Variants in EPHA6 observed in about 807,000 individuals in gnomAD.
EPHA6 encodes EPH receptor A6.
Under a neutral mutation model 112.0 loss-of-function variants are expected in EPHA6, and 50 were observed. The ratio of observed to expected loss-of-function variants is 0.45; its 90% CI spans 0.36 to 0.56. The LOEUF is 0.56. Ranked by LOEUF, EPHA6 falls within the 20% of genes least tolerant of loss-of-function variation. EPHA6 has a pLI of 0.00. For synonymous variants in EPHA6, 529 were observed against 490.7 expected (o/e 1.08, Z -1.03); for missense variants, 1,280 against 1,417.4 (o/e 0.90, Z 1.56).
At chr3:97,110,248 A>C (rs1260159310) in intron 3 of EPHA6, among the ~76,000 whole-genome samples, 1 of 152,078 alleles carries the variant, frequency 6.6e-6, no homozygotes, top group South Asian at 2.1e-4. Context: ...AAACATGGTA[A>C]TGATAGGGCC....
intron 3 of EPHA6, among the ~76,000 whole-genome samples, chr3:97,079,713 A>G (rs1330114214): frequency 6.6e-6 from 1 of 152,018 alleles, no homozygotes; most frequent in Non-Finnish European, 1.5e-5. Flanking sequence ...AATACTACAA[A>G]GAAATTTTTC....
intron 14 of EPHA6, among the ~76,000 whole-genome samples, chr3:97,670,323 A>G (rs2030677033): frequency 6.6e-6 from 1 of 152,236 alleles, no homozygotes; most frequent in Non-Finnish European, 1.5e-5. Flanking sequence ...TCCGTAGTCA[A>G]AATTGGGAAG....
chr3:97,373,963 G>T (rs1414998638), intron 5 of EPHA6, among the ~76,000 whole-genome samples: 2 of 152,002 alleles, frequency 1.3e-5, no homozygotes, highest in Non-Finnish European at 2.9e-5. Context: ...TTTTGCTTTT[G>T]ATCTATGACT....
At chr3:97,392,779 G>C (rs1482660233) in intron 5 of EPHA6, among the ~76,000 whole-genome samples, 1 of 151,170 alleles carries the variant, frequency 6.6e-6, no homozygotes, top group Admixed American at 6.6e-5. Flanking sequence ...TTAATGACTT[G>C]TCATATTATT....
At chr3:97,182,308 TC>T (rs2077010843) in intron 3 of EPHA6, among the ~76,000 whole-genome samples, 1 of 149,416 alleles carries the variant, frequency 6.7e-6, no homozygotes. Context: ...TTGACTTTTA[TC>T]CACAAATTTA....
intron 11 of EPHA6, among the ~76,000 whole-genome samples, chr3:97,545,631 T>A (rs986096540): frequency 1.3e-5 from 2 of 152,224 alleles, no homozygotes; most frequent in Non-Finnish European, 2.9e-5. Context: ...GCTAACTTTC[T>A]GTCTCGTTTA....
chr3:97,450,009 T>C (rs185477787), intron 7 of EPHA6, among the ~76,000 whole-genome samples: 38 of 152,184 alleles, frequency 2.5e-4, no homozygotes, highest in African/African-American at 8.7e-4. Flanking sequence ...AAGTAAGAAA[T>C]ACCCCACCTT....
intron 13 of EPHA6, among the ~76,000 whole-genome samples, chr3:97,634,162 T>C (rs1038970033): frequency 2.6e-5 from 4 of 152,236 alleles, no homozygotes; most frequent in Admixed American, 6.6e-5. Context: ...TAGATCTCTT[T>C]GTCCTCCAGT....
chr3:96,973,794 CA>C (rs1659049150), intron 2 of EPHA6, among the ~76,000 whole-genome samples: 1 of 143,520 alleles, frequency 7.0e-6, no homozygotes, highest in Admixed American at 7.1e-5. Flanking sequence ...CACTGGTCTC[CA>C]GCCTGGGCGA....
rs556263951 is a variant in EPHA6, at chr3:96,884,010, C to T, written c.450+17121C>T. Among the ~76,000 whole-genome samples, 15 of 152,040 alleles carry T rather than the reference C, an allele frequency of 9.9e-5. No individual in the cohort carries two copies. The South Asian group carries it at 2.5e-3, about 25-fold the overall frequency. On this transcript the variant is annotated intron_variant, in intron 2 of 17. Coordinates refer to ENST00000389672, the MANE Select transcript of EPHA6 (RefSeq NM_001080448.3). ...CCATTTTATGTTTTTGTTTGCTTTTCGAAGATCAGTTGGCTTTTAAGTATT... is the reference window on the plus strand; with the variant it reads ...CCATTTTATGTTTTTGTTTGCTTTTTGAAGATCAGTTGGCTTTTAAGTATT...
At chr3:96,946,326 TC>T (rs1190194044) in intron 2 of EPHA6, among the ~76,000 whole-genome samples, 1 of 145,506 alleles carries the variant, frequency 6.9e-6, no homozygotes, top group East Asian at 2.3e-4. Flanking sequence ...CTCCCCCCCT[TC>T]CCCCACCCCA....
chr3:97,723,247 A>G (rs761456907), intron 15 of EPHA6, among the ~76,000 whole-genome samples: 103 of 152,282 alleles, frequency 6.8e-4, no homozygotes, highest in Non-Finnish European at 1.3e-3. Context: ...GCTTTTGCCC[A>G]AATGTGTAGT....
At chr3:96,958,865 A>G (rs904560983) in intron 2 of EPHA6, among the ~76,000 whole-genome samples, 6 of 152,182 alleles carry the variant, frequency 3.9e-5, no homozygotes, top group African/African-American at 1.4e-4. Context: ...TTATTCCCGA[A>G]TACTATTCAA....
chr3:97,265,851 G>A (rs559327544), intron 5 of EPHA6, among the ~76,000 whole-genome samples: 1 of 152,238 alleles, frequency 6.6e-6, no homozygotes, highest in Non-Finnish European at 1.5e-5. Context: ...TGCTATCGGG[G>A]TAGCCCTAGA....
intron 3 of EPHA6, among the ~76,000 whole-genome samples, chr3:97,174,611 C>G (rs903065394): frequency 6.6e-6 from 1 of 151,856 alleles, no homozygotes; most frequent in Non-Finnish European, 1.5e-5. Context: ...GAGATGATAT[C>G]TCATAGTAGT....
rs578069524 is a variant in EPHA6 at position 97,757,338 on chromosome 3, TAGAA to T, written c.*8643_*8646del. Among the ~76,000 whole-genome samples the T allele has an allele frequency of 4.8e-4, 73 of 151,920 alleles. No homozygotes were observed. The highest frequency in any genetic ancestry group is 1.6e-3 in the African/African-American group (67 of 41,530). On this transcript the variant is annotated 3_prime_UTR_variant, in exon 18 of 18. Transcript: ENST00000389672. ...TAAAATATGTATTGATACATACAATTAGAAAGAAATGTCATCAAAATATCAAAAA... is the reference window on the plus strand; with the variant it reads ...TAAAATATGTATTGATACATACAATTAGAAATGTCATCAAAATATCAAAAA...
At chr3:97,617,052 A>G (rs560251308) in intron 13 of EPHA6, among the ~76,000 whole-genome samples, 3 of 152,296 alleles carry the variant, frequency 2.0e-5, no homozygotes, top group African/African-American at 7.2e-5. Context: ...ATCACCTACA[A>G]AGGGGAGCCC....
At chr3:97,108,723 G>A (rs2047637998) in intron 3 of EPHA6, among the ~76,000 whole-genome samples, 2 of 152,088 alleles carry the variant, frequency 1.3e-5, no homozygotes, top group South Asian at 4.1e-4. Context: ...GGTGGACAAG[G>A]TAAACATTAA....
At chr3:97,644,136 A>C (rs1443638781) in intron 14 of EPHA6, among the ~76,000 whole-genome samples, 4 of 152,098 alleles carry the variant, frequency 2.6e-5, no homozygotes, top group South Asian at 2.1e-4. Flanking sequence ...TAAGAATCTC[A>C]CTCAAAACCG....
Sources: allele counts gnomAD v4.1 joint callset (sites outside exome capture counted in the v4.1 genomes callset), GRCh38; gene constraint gnomAD v4.1.1; transcripts MANE v1.5; gene names NCBI Gene and HGNC (gene_info 2026-07-23, HGNC 2026-07-21).